The following LEMD1 variants were observed in gnomAD, a reference collection of about 807,000 sequenced individuals.
LEMD1 encodes the protein LEM domain containing 1.
Under a neutral mutation model 17.4 loss-of-function variants are expected in LEMD1, and 18 were observed. The ratio of observed to expected loss-of-function variants is 1.04; its 90% CI spans 0.72 to 1.54. The LOEUF is 1.54. Among genes scored for constraint, LEMD1 ranks in the 40% most tolerant of loss-of-function variants. The pLI, the probability that LEMD1 is intolerant of heterozygous loss-of-function variation, is 0.00. For missense variants in LEMD1, 195 were observed against 210.4 expected, an observed-to-expected ratio of 0.93 and a Z score of 0.45; for synonymous variants, 88 against 77.8, an observed-to-expected ratio of 1.13 and a Z score of -0.69.
At chr1:205,437,922 C>T (rs1666234701) in intron 1 of LEMD1, 1 of 151,606 alleles carries the variant, frequency 6.6e-6, no homozygotes, top group Non-Finnish European at 1.5e-5. Context: ...AATTATTGCT[C>T]TTTTTTTTTC....
At chr1:205,407,532 G>A (rs1021677656) in intron 4 of LEMD1, among the ~76,000 whole-genome samples, 11 of 152,046 alleles carry the variant, frequency 7.2e-5, no homozygotes, top group African/African-American at 2.2e-4. Flanking sequence ...GTACTTAGAG[G>A]GCAGCGCGCC....
chr1:205,438,618 G>A (rs1575007053), intron 1 of LEMD1, among the ~76,000 whole-genome samples: 1 of 152,272 alleles, frequency 6.6e-6, no homozygotes, highest in South Asian at 2.1e-4. Flanking sequence ...GGTGTGCCTG[G>A]CTAGAAGCTG....
At chr1:205,420,679 A>G (rs1665922661) in intron 1 of LEMD1, 105 bp from the exon 2 acceptor site, 1 of 645,116 alleles carries the variant, frequency 1.6e-6, no homozygotes, top group South Asian at 1.8e-5. Context: ...CCAACCTCCT[A>G]GGTGCACAGG....
At chr1:205,405,071 C>T (rs531475451) in intron 4 of LEMD1, among the ~76,000 whole-genome samples, 86 of 152,274 alleles carry the variant, frequency 5.6e-4, no homozygotes, top group South Asian at 1.9e-3. Flanking sequence ...CTGAGAGATC[C>T]GCTGTTAGTC....
In LEMD1 at chr1:205,410,139, C is replaced by T. The variant is rs1285468101; in HGVS notation, c.270+6093G>A. ...TTCTTGTCATGTTGCCCAAACTGGT[C>T]TTGCACTCCTGGGCTCAAGTGATCC... On this transcript the variant is annotated intron_variant, in intron 4 of 5. Coordinates refer to ENST00000367153, the MANE Select transcript of LEMD1 (RefSeq NM_001199050.2). Among the ~76,000 whole-genome samples the T allele has an allele frequency of 1.3e-5, 2 of 151,992 alleles. 1 individual carries two copies. Among genetic ancestry groups the T allele is most frequent in the Non-Finnish European group, 2.9e-5 (2 of 68,000 alleles).
chr1:205,396,454 GA>G (rs199927331), intron 4 of LEMD1, among the ~76,000 whole-genome samples: 1 of 151,130 alleles, frequency 6.6e-6, no homozygotes, highest in East Asian at 1.9e-4. Flanking sequence ...CATGCAATCA[GA>G]AAAAAAAATT....
At chr1:205,436,492 G>A (rs1304508183) in intron 1 of LEMD1, 1 of 130,694 alleles carries the variant, frequency 7.7e-6, no homozygotes, top group African/African-American at 2.8e-5. Context: ...CCGGCACAGT[G>A]GGCACTGACC....
chr1:205,392,133 C>T (rs1461615160), intron 4 of LEMD1, among the ~76,000 whole-genome samples: 3 of 151,514 alleles, frequency 2.0e-5, no homozygotes, highest in Admixed American at 6.6e-5. Flanking sequence ...AAACAAAAAC[C>T]ATCCAGGGTC....
intron 4 of LEMD1, among the ~76,000 whole-genome samples, chr1:205,407,467 T>A (rs568737788): frequency 1.3e-5 from 2 of 151,850 alleles, no homozygotes; most frequent in Admixed American, 6.6e-5. Flanking sequence ...AGAACCTCCA[T>A]AAAACTCCTA....
At chr1:205,402,295 G>A (rs1056048709) in intron 4 of LEMD1, among the ~76,000 whole-genome samples, 2 of 152,164 alleles carry the variant, frequency 1.3e-5, no homozygotes, top group African/African-American at 4.8e-5. Context: ...ACCTTGAGCA[G>A]TATGGCCATT....
chr1:205,422,276 G>A (rs543783844), upstream of LEMD1, among the ~76,000 whole-genome samples: 2 of 152,314 alleles, frequency 1.3e-5, no homozygotes, highest in African/African-American at 2.4e-5. Flanking sequence ...ATTATGCACA[G>A]CAAGTAAGGA....
intron 4 of LEMD1, among the ~76,000 whole-genome samples, chr1:205,412,769 G>A (rs574727703): frequency 1.3e-5 from 2 of 152,076 alleles, no homozygotes; most frequent in African/African-American, 2.4e-5. Context: ...TTATGCCATC[G>A]CAAACTTCCT....
chr1:205,438,824 G>A (rs962507289), intron 1 of LEMD1, among the ~76,000 whole-genome samples: 5 of 152,232 alleles, frequency 3.3e-5, no homozygotes, highest in Admixed American at 2.0e-4. Flanking sequence ...GAGTTCTCCC[G>A]GGGGAGGAAG....
chr1:205,386,514 C>T (rs1664031976), intron 4 of LEMD1: 3 of 152,034 alleles, frequency 2.0e-5, no homozygotes. Context: ...CTGTGTTAGC[C>T]AGGATGGTCT....
chr1:205,388,057 G>T (rs1254194744), intron 4 of LEMD1, among the ~76,000 whole-genome samples: 1 of 152,224 alleles, frequency 6.6e-6, no homozygotes, highest in Non-Finnish European at 1.5e-5. Flanking sequence ...AGCTGGTGAG[G>T]CAATGGAGCT....
In LEMD1 at chr1:205,444,894, C is replaced by A. The variant is rs1666356979; in HGVS notation, c.-39+4974G>T. ...CAACCCCCACCTTAACTCCCCGCCACCCCCCACCCCAGGTAAAGGGCAAAA... is the reference window on the plus strand; with the variant it reads ...CAACCCCCACCTTAACTCCCCGCCAACCCCCACCCCAGGTAAAGGGCAAAA... On this transcript the variant is annotated intron_variant, in intron 1 of 3. Transcript: ENST00000367154. Among the ~76,000 whole-genome samples, 3 of 150,806 alleles carry A rather than the reference C, an allele frequency of 2.0e-5. No homozygotes were observed. The South Asian group carries it at 6.3e-4, about 32-fold the overall frequency.
rs1048140561 is a variant in LEMD1 at position 205,381,596 on chromosome 1, T to C, written c.*62A>G. 1.6e-5 allele frequency: 24 copies of C among 1,504,036 alleles called. No individual in the cohort carries two copies. The highest frequency in any genetic ancestry group is 2.2e-5 in the Non-Finnish European group (24 of 1,080,338). The allele number at this position is 1,504,036 out of a possible 1,614,324, so 93.2% of individuals were successfully genotyped here. A position where few individuals can be genotyped will look rare whatever the true frequency, so the allele number is the denominator to read the frequency against. On this transcript the variant is annotated 3_prime_UTR_variant, in exon 6 of 6. Coordinates refer to ENST00000367153, the MANE Select transcript of LEMD1 (RefSeq NM_001199050.2). Reference sequence around the variant, plus strand: ...AGGCTAGGCTGGCCCTTCAGGGTAGTGTTTTGGTTCTTTCCTGAAGCAGGA... The same window carrying C: ...AGGCTAGGCTGGCCCTTCAGGGTAGCGTTTTGGTTCTTTCCTGAAGCAGGA...
intron 1 of LEMD1, among the ~76,000 whole-genome samples, chr1:205,444,991 C>T (rs564903730): frequency 2.6e-5 from 4 of 152,114 alleles, no homozygotes; most frequent in South Asian, 2.1e-4. Context: ...GCCCCCTCCC[C>T]GGCTCCCTTA....
At chr1:205,397,293 T>C (rs548765176) in intron 4 of LEMD1, among the ~76,000 whole-genome samples, 1 of 152,196 alleles carries the variant, frequency 6.6e-6, no homozygotes, top group Non-Finnish European at 1.5e-5. Flanking sequence ...GAATGGAAAT[T>C]AGGCCACTAG....
Sources: gnomAD v4.1 joint callset for allele counts (sites outside exome capture counted in the v4.1 genomes callset) on GRCh38, gnomAD v4.1.1 for gene constraint, MANE v1.5 for transcripts, NCBI Gene and HGNC (gene_info 2026-07-23, HGNC 2026-07-21) for gene names.